Variants in FAM169A observed in about 807,000 individuals in gnomAD.
The protein encoded by FAM169A is family with sequence similarity 169 member A.
Under a neutral mutation model 75.7 loss-of-function variants are expected in FAM169A, and 24 were observed. That is an observed-to-expected ratio of 0.32 (90% CI 0.23 to 0.45). The LOEUF is 0.45. FAM169A is among the 20% of genes least tolerant of loss of function. The pLI is 1.00. For missense variants in FAM169A, 673 were observed against 784.0 expected, an observed-to-expected ratio of 0.86 and a Z score of 1.69; for synonymous variants, 271 against 271.0, an observed-to-expected ratio of 1.00 and a Z score of 0.00.
chr5:74,840,078 C>A lies in FAM169A; in HGVS notation c.228G>T (p.Leu76=). ...ILALFAPEDS[L]TAVALYLADQ... ...AAAAATTAAGCAAAAAGAGACCTGT[C>A]AGTGAATCTTCAGGTGCAAAGAGAG... The change falls in exon 3 of 13, where the codon CTG becomes CTT. Residue 76 remains leucine, a synonymous_variant. Transcript: ENST00000687041. 1 of 1,525,228 alleles carries A rather than the reference C, an allele frequency of 6.6e-7. No individual in the cohort carries two copies. The highest frequency in any genetic ancestry group is 8.9e-7 in the Non-Finnish European group (1 of 1,118,016). The allele number at this position is 1,525,228 out of a possible 1,614,324, so 94.5% of individuals were successfully genotyped here.
At chr5:74,785,458 A>C (rs1054400083) in intron 11 of FAM169A, among the ~76,000 whole-genome samples, 4 of 152,220 alleles carry the variant, frequency 2.6e-5, no homozygotes, top group Non-Finnish European at 4.4e-5. Flanking sequence ...CAATAAAAGT[A>C]CCATTTAAAA....
At chr5:74,793,485 C>T (rs1382053437) in intron 11 of FAM169A, among the ~76,000 whole-genome samples, 7 of 152,076 alleles carry the variant, frequency 4.6e-5, no homozygotes, top group African/African-American at 2.4e-5. Flanking sequence ...TATGTTCTCA[C>T]TCATAAGTGG....
At chr5:74,866,510 C>T (rs1750357122), upstream of FAM169A, 1 of 635,926 alleles carries the variant, frequency 1.6e-6, no homozygotes, top group Non-Finnish European at 2.0e-6. Flanking sequence ...CTCCCTCCAG[C>T]CCCGGCTTTC....
chr5:74,860,339 C>A (rs1749968403), intron 1 of FAM169A, among the ~76,000 whole-genome samples: 1 of 152,214 alleles, frequency 6.6e-6, no homozygotes, highest in Non-Finnish European at 1.5e-5. Flanking sequence ...AGTACTTTAT[C>A]TTTCATTACA....
At chr5:74,853,312 T>A (rs1749537980) in intron 1 of FAM169A, among the ~76,000 whole-genome samples, 1 of 152,254 alleles carries the variant, frequency 6.6e-6, no homozygotes, top group Non-Finnish European at 1.5e-5. Context: ...TACTGATTGC[T>A]TATCTTGCAC....
At chr5:74,852,691 G>A (rs1749504445) in intron 1 of FAM169A, among the ~76,000 whole-genome samples, 3 of 151,508 alleles carry the variant, frequency 2.0e-5, no homozygotes. Context: ...GAGAGTTAAG[G>A]TATATAACGG....
intron 11 of FAM169A, among the ~76,000 whole-genome samples, chr5:74,793,371 T>A (rs1261453511): frequency 6.7e-6 from 1 of 149,820 alleles, no homozygotes; most frequent in Non-Finnish European, 1.5e-5. Context: ...GGAATACTAC[T>A]CAGCCACAAA....
Position 74,781,462 on chromosome 5 carries a change from A to T in FAM169A, c.2011T>A (p.Ter671ArgextTer13). The change falls in exon 13 of 13, where the codon TGA (stop) becomes AGA (arginine). Residue 671 changes from the stop codon to arginine (R), a stop_lost. Coordinates refer to ENST00000687041, the MANE Select transcript of FAM169A (RefSeq NM_001376049.1). ...TTATCATCCACTTTCTTCTTCCTTC[A>T]GGTCAGCTTAGCTTTCTTCTTAGCA... Reference protein sequence around the residue: ...GPAKKKAKLT* With the variant: ...GPAKKKAKLTR The T allele has an allele frequency of 6.2e-7, 1 of 1,610,708 alleles. No homozygotes were observed.
chr5:74,850,639 G>A (rs1049486047), intron 1 of FAM169A, among the ~76,000 whole-genome samples: 1 of 152,136 alleles, frequency 6.6e-6, no homozygotes. Context: ...ACACATAGAG[G>A]AAAATTCCTT....
At chr5:74,796,941 G>A (rs1489469607) in intron 10 of FAM169A, among the ~76,000 whole-genome samples, 1 of 152,042 alleles carries the variant, frequency 6.6e-6, no homozygotes, top group African/African-American at 2.4e-5. Context: ...ATATATTCCT[G>A]ACTTTCTATG....
chr5:74,830,123 T>C (rs1474306980), intron 5 of FAM169A, among the ~76,000 whole-genome samples: 1 of 152,100 alleles, frequency 6.6e-6, no homozygotes, highest in African/African-American at 2.4e-5. Context: ...CAGCACAATA[T>C]TAGAAAAATT....
At chr5:74,806,844 G>A (rs1314753047) in intron 6 of FAM169A, among the ~76,000 whole-genome samples, 1 of 152,116 alleles carries the variant, frequency 6.6e-6, no homozygotes, top group African/African-American at 2.4e-5. Flanking sequence ...AAAACTGACA[G>A]AGACTATGAA....
intron 1 of FAM169A, 177 bp downstream of exon 1, chr5:74,865,988 G>A (rs1750317483): frequency 6.0e-6 from 1 of 166,702 alleles, no homozygotes; most frequent in African/African-American, 2.4e-5. Context: ...CGCGAGCCCC[G>A]GGTCCAGGCG....
chr5:74,840,293 G>T (rs1254179877), intron 2 of FAM169A, 120 bp from the exon 3 acceptor site: 1 of 464,302 alleles, frequency 2.2e-6, no homozygotes, highest in Non-Finnish European at 3.8e-6. Context: ...TTTTATAGGA[G>T]ACATTATTTC....
chr5:74,805,025 C>T lies in FAM169A; in HGVS notation c.799+131G>A, dbSNP rs908779259. 63 of 716,870 alleles carry T rather than the reference C, an allele frequency of 8.8e-5. No individual in the cohort carries two copies. In the Admixed American group the frequency reaches 1.6e-3, roughly 18 times the overall value. The allele number at this position is 716,870 out of a possible 1,614,324, so 44.4% of individuals were successfully genotyped here. ...TTACTAGAACAATCACATTATAATA[C>T]ACTACCACTCTGGACTCTAAGACAC... On this transcript the variant is annotated intron_variant, in intron 7 of 12. Transcript: ENST00000687041.
chr5:74,866,657 G>A (rs1357695178), upstream of FAM169A: 1 of 823,074 alleles, frequency 1.2e-6, no homozygotes, highest in Non-Finnish European at 1.5e-6. Context: ...CAATGGCCTG[G>A]TATTAAAGAG....
At chr5:74,805,976 C>CAAAAAAA (rs370761667) in intron 6 of FAM169A, among the ~76,000 whole-genome samples, 16 of 85,240 alleles carry the variant, frequency 1.9e-4, no homozygotes, top group East Asian at 6.8e-4. Context: ...TTAAAAGCTC[C>CAAAAAAA]AAAAAAAAAA....
chr5:74,857,597 A>C (rs1043951968), intron 1 of FAM169A, among the ~76,000 whole-genome samples: 46 of 139,496 alleles, frequency 3.3e-4, no homozygotes, highest in African/African-American at 1.1e-3. Context: ...AAAAAAAAAA[A>C]AAAAAAACTT....
rs1343024140 is a variant in FAM169A, at chr5:74,780,652, T to TACCTGATTAAAGGTGAA, written c.*791_*807dup. 2 of 152,234 alleles carry TACCTGATTAAAGGTGAA rather than the reference T, an allele frequency of 1.3e-5. No homozygotes were observed. Among genetic ancestry groups the TACCTGATTAAAGGTGAA allele is most frequent in the Non-Finnish European group, 2.9e-5 (2 of 68,034 alleles). 9.4% of individuals were successfully genotyped at this position (152,234 alleles called of 1,614,324 possible). A position where few individuals can be genotyped will look rare whatever the true frequency, so the allele number is the denominator to read the frequency against. ...GTCTCCAAAGTATAGTTGTGATTTT[T>TACCTGATTAAAGGTGAA]ACCTGATTAAAGGTGAAAGTCTAAA... On this transcript the variant is annotated 3_prime_UTR_variant, in exon 13 of 13. Transcript: ENST00000687041.
Sources: allele counts gnomAD v4.1 joint callset (sites outside exome capture counted in the v4.1 genomes callset), GRCh38; gene constraint gnomAD v4.1.1; transcripts MANE v1.5; gene names NCBI Gene and HGNC (gene_info 2026-07-23, HGNC 2026-07-21).